The following CAMTA1 variants were observed in gnomAD, a reference collection of about 807,000 sequenced individuals.
CAMTA1 encodes calmodulin-binding transcription activator 1.
Under a neutral mutation model 170.9 loss-of-function variants are expected in CAMTA1, and 27 were observed. The ratio of observed to expected loss-of-function variants is 0.16; its 90% confidence interval spans 0.12 to 0.22. CAMTA1 has a LOEUF of 0.22. Among genes scored for constraint, CAMTA1 ranks in the 10% least tolerant of loss-of-function variants. CAMTA1 has a pLI of 1.00. For synonymous variants in CAMTA1, 833 were observed against 891.5 expected, an observed-to-expected ratio of 0.93 and a Z score of 1.17; for missense variants, 1,619 against 2,217.2, an observed-to-expected ratio of 0.73 and a Z score of 5.42.
chr1:7,181,058 C>A (rs1356650862), intron 4 of CAMTA1, among the ~76,000 whole-genome samples: 1 of 152,186 alleles, frequency 6.6e-6, no homozygotes, highest in East Asian at 1.9e-4. Flanking sequence ...GCACCATGAC[C>A]AAATGGTGTC....
chr1:7,498,193 T>A (rs373472753), intron 6 of CAMTA1, among the ~76,000 whole-genome samples: 2 of 147,846 alleles, frequency 1.4e-5, no homozygotes, highest in Non-Finnish European at 3.0e-5. Flanking sequence ...TGAGAGTGAG[T>A]GTGTGTGTGT....
intron 4 of CAMTA1, chr1:7,219,567 A>T (rs1660365401): frequency 6.6e-6 from 1 of 150,450 alleles, no homozygotes; most frequent in African/African-American, 2.5e-5. Flanking sequence ...AAAAAAAAAA[A>T]AAAAAGGAGA....
chr1:7,719,360 C>T (rs2096634634), intron 11 of CAMTA1, among the ~76,000 whole-genome samples: 1 of 152,168 alleles, frequency 6.6e-6, no homozygotes, highest in South Asian at 2.1e-4. Flanking sequence ...CTTTGCTGCC[C>T]TTGTAACATT....
chr1:7,522,579 T>C (rs1453285849), intron 6 of CAMTA1, among the ~76,000 whole-genome samples: 1 of 152,222 alleles, frequency 6.6e-6, no homozygotes, highest in Non-Finnish European at 1.5e-5. Context: ...CCAAATACTT[T>C]CTCTTGTGTT....
At position 7,663,233 on chromosome 1, in the gene CAMTA1, C is replaced by A. The variant is rs545775089; in HGVS notation, c.806-120C>A. The A allele has an allele frequency of 4.4e-6, 6 of 1,369,872 alleles. No individual in the cohort carries two copies. The Admixed American group carries it at 1.5e-4, about 34-fold the overall frequency. 84.9% of individuals were successfully genotyped at this position (1,369,872 alleles called of 1,614,324 possible). On this transcript the variant is annotated intron_variant, in intron 8 of 22. Transcript: ENST00000303635. ...ACCGGGCCTGGACTTTGCCAGGGAC[C>A]CCAGCCGCTGTGGGGCAGGTCCACC...
chr1:7,362,588 A>C (rs1410701581), intron 5 of CAMTA1, among the ~76,000 whole-genome samples: 2 of 151,144 alleles, frequency 1.3e-5, no homozygotes, highest in African/African-American at 4.9e-5. Flanking sequence ...GTGGCTTTGG[A>C]TAGAGTTGGT....
At chr1:7,188,304 G>A (rs142864619) in intron 4 of CAMTA1, among the ~76,000 whole-genome samples, 171 of 152,218 alleles carry the variant, frequency 1.1e-3, no homozygotes, top group African/African-American at 4.0e-3. Context: ...AGGAAATTGT[G>A]GTGAAATGCA....
intron 5 of CAMTA1, among the ~76,000 whole-genome samples, chr1:7,348,493 C>A (rs2084393028): frequency 6.6e-6 from 1 of 152,174 alleles, no homozygotes; most frequent in South Asian, 2.1e-4. Flanking sequence ...CGAAGCATAA[C>A]CACCTCCACC....
At chr1:7,403,726 C>T (rs1219602351) in intron 5 of CAMTA1, among the ~76,000 whole-genome samples, 3 of 152,192 alleles carry the variant, frequency 2.0e-5, no homozygotes, top group Non-Finnish European at 4.4e-5. Context: ...CACCTGGGAC[C>T]ATCTAGAACC....
chr1:7,512,234 A>G (rs1383067657), intron 6 of CAMTA1, among the ~76,000 whole-genome samples: 2 of 152,242 alleles, frequency 1.3e-5, no homozygotes, highest in Non-Finnish European at 2.9e-5. Flanking sequence ...ACCTTGCATC[A>G]GGGGCAAGGA....
In CAMTA1 at chr1:6,856,650, A is replaced by G. The variant is rs1187610149; in HGVS notation, c.234+31440A>G. ...GAGACAGCCATTGAGCAGATAATTA[A>G]TTATAAGAATGGGTACATACTTACA... On this transcript the variant is annotated intron_variant, in intron 3 of 22. Transcript: ENST00000303635. Among the ~76,000 whole-genome samples the G allele has an allele frequency of 2.0e-5, 3 of 152,204 alleles. No individual in the cohort carries two copies. In the East Asian group the frequency reaches 5.8e-4, roughly 29 times the overall value.
At chr1:7,324,422 A>G (rs925071004) in intron 5 of CAMTA1, among the ~76,000 whole-genome samples, 1 of 152,044 alleles carries the variant, frequency 6.6e-6, no homozygotes, top group Non-Finnish European at 1.5e-5. Flanking sequence ...GTAATCTTCT[A>G]TTTTGAGAAT....
chr1:7,666,877 T>G (rs2096006128), intron 9 of CAMTA1, among the ~76,000 whole-genome samples: 2 of 150,460 alleles, frequency 1.3e-5, no homozygotes, highest in African/African-American at 5.0e-5. Flanking sequence ...CTGTTGTTGT[T>G]TTGTTTTGTT....
intron 6 of CAMTA1, among the ~76,000 whole-genome samples, chr1:7,518,776 T>C (rs2094321805): frequency 6.6e-6 from 1 of 151,912 alleles, no homozygotes. Flanking sequence ...GAACAAAAAG[T>C]CAGGAGGAGC....
rs1181434730 is a variant in CAMTA1 at position 7,680,503 on chromosome 1, C to T, written c.2914+2770C>T. ...CGACGCGCAGCCGCAATGCGGGGCC[C>T]TTCGCGGAACTGCTGGCGGCGCCGC... On this transcript the variant is annotated intron_variant, in intron 11 of 22. Coordinates refer to ENST00000303635, the MANE Select transcript of CAMTA1 (RefSeq NM_015215.4). This position sits in a 1 kb window ranked among gnomAD's most constrained non-coding sequence, Gnocchi z 4.4. 6.6e-6 allele frequency among the ~76,000 whole-genome samples: 1 copy of T among 151,748 alleles called. No individual in the cohort carries two copies. The highest frequency in any genetic ancestry group is 2.4e-5 in the African/African-American group (1 of 41,446).
chr1:7,406,941 A>G (rs1306297618), intron 5 of CAMTA1, among the ~76,000 whole-genome samples: 1 of 152,194 alleles, frequency 6.6e-6, no homozygotes. Flanking sequence ...GAGAGGGGAC[A>G]TTCTGAGGCC....
chr1:7,733,995 T>A (rs969459718), intron 12 of CAMTA1, among the ~76,000 whole-genome samples: 1 of 152,156 alleles, frequency 6.6e-6, no homozygotes, highest in Non-Finnish European at 1.5e-5. Context: ...GTCGCCCAGG[T>A]GCAGTGCAGT....
chr1:7,412,790 T>C (rs2090883737), intron 5 of CAMTA1, among the ~76,000 whole-genome samples: 1 of 152,150 alleles, frequency 6.6e-6, no homozygotes, highest in Admixed American at 6.5e-5. Context: ...TTGGCTTTTG[T>C]TGCCATTGCT....
At chr1:7,423,907 T>C (rs971158255) in intron 5 of CAMTA1, among the ~76,000 whole-genome samples, 13 of 152,172 alleles carry the variant, frequency 8.5e-5, no homozygotes, top group Non-Finnish European at 1.3e-4. Flanking sequence ...CTCTGAATGC[T>C]GCTTACACCT....
Sources: allele counts gnomAD v4.1 joint callset (sites outside exome capture counted in the v4.1 genomes callset), GRCh38; gene constraint gnomAD v4.1.1; non-coding constraint Gnocchi (gnomAD v3.1); transcripts MANE v1.5; gene names NCBI Gene and HGNC (gene_info 2026-07-23, HGNC 2026-07-21).